CLIC5: variants seen among roughly 807,000 people sequenced by gnomAD.
CLIC5 encodes chloride intracellular channel protein 5.
CLIC5 carries 20 observed loss-of-function variants against 24.7 expected under a neutral mutation model. That is an observed-to-expected ratio of 0.81 (90% CI 0.57 to 1.18). The LOEUF (loss-of-function observed/expected upper bound fraction) is 1.18, where lower values mean the gene tolerates loss of function less well. Among genes scored for constraint, CLIC5 ranks in the 50% most tolerant of loss-of-function variants. The probability of loss-of-function intolerance (pLI) is 0.00; values close to 1 mark genes in which losing one functional copy is unlikely to be tolerated. For missense variants in CLIC5, 341 were observed against 326.1 expected (o/e 1.05, Z -0.35); for synonymous variants, 159 against 135.6 (o/e 1.17, Z -1.20).
chr6:45,916,655 G>A (rs2127318066), intron 4 of CLIC5, among the ~76,000 whole-genome samples: 1 of 152,334 alleles, frequency 6.6e-6, no homozygotes, highest in East Asian at 1.9e-4. Flanking sequence ...CACCAGGTCT[G>A]GGAAATATCA....
the CLIC5 span, among the ~76,000 whole-genome samples, chr6:46,090,760 A>G: frequency 6.6e-6 from 1 of 152,186 alleles, no homozygotes; most frequent in East Asian, 1.9e-4. Context: ...TCAAATATAC[A>G]ATGCATTAAA....
intron 1 of CLIC5, among the ~76,000 whole-genome samples, chr6:45,956,106 T>G (rs1764632788): frequency 1.3e-5 from 2 of 152,196 alleles, no homozygotes; most frequent in Non-Finnish European, 2.9e-5. Flanking sequence ...CTCAAAACAG[T>G]AGGCTTTTTT....
chr6:45,888,243 G>C (rs112042940), intron 6 of CLIC5, among the ~76,000 whole-genome samples: 79 of 152,258 alleles, frequency 5.2e-4, no homozygotes, highest in African/African-American at 1.8e-3. Context: ...ATAAACCAAG[G>C]CTGCCCAGGA....
At chr6:46,040,312 C>A (rs894581458) in intron 1 of CLIC5, among the ~76,000 whole-genome samples, 5 of 151,964 alleles carry the variant, frequency 3.3e-5, no homozygotes, top group African/African-American at 9.7e-5. Flanking sequence ...TGATTTGTTG[C>A]TCATAGTGTT....
At chr6:45,970,419 C>T (rs7761346) in intron 1 of CLIC5, among the ~76,000 whole-genome samples, 5,678 of 152,142 alleles carry the variant, frequency 0.037, 352 homozygotes, top group African/African-American at 0.13. Context: ...AAGCTCAGAC[C>T]GAGCTGTAAT....
At chr6:46,009,127 C>A (rs907460072) in intron 1 of CLIC5, among the ~76,000 whole-genome samples, 13 of 152,002 alleles carry the variant, frequency 8.6e-5, no homozygotes, top group Middle Eastern at 6.8e-3. Flanking sequence ...AACCACCAGC[C>A]TACCCATGGT....
chr6:46,027,857 A>C (rs1250806058), intron 1 of CLIC5, among the ~76,000 whole-genome samples: 1 of 152,214 alleles, frequency 6.6e-6, no homozygotes, highest in Non-Finnish European at 1.5e-5. Flanking sequence ...CTGATATTTT[A>C]GCTAAGTGAT....
chr6:45,898,035 T>C (rs72870102), downstream of CLIC5, among the ~76,000 whole-genome samples: 3,122 of 152,290 alleles, frequency 0.021, 43 homozygotes, highest in Admixed American at 0.035. Context: ...CGTTTTCTTC[T>C]TCCTCTTTTC....
At chr6:46,019,154 A>G (rs1342961295), upstream of CLIC5, among the ~76,000 whole-genome samples, 4 of 152,118 alleles carry the variant, frequency 2.6e-5, no homozygotes, top group African/African-American at 7.2e-5. Context: ...AAAGGCAGAA[A>G]AGAGGAAGAG....
intron 1 of CLIC5, among the ~76,000 whole-genome samples, chr6:46,047,072 A>C (rs898638162): frequency 2.0e-5 from 3 of 152,226 alleles, no homozygotes; most frequent in African/African-American, 4.8e-5. Context: ...ATTTGCAAGC[A>C]TAAGATATTT....
intron 4 of CLIC5, among the ~76,000 whole-genome samples, chr6:45,918,149 T>C (rs995441249): frequency 2.6e-5 from 4 of 152,218 alleles, no homozygotes; most frequent in African/African-American, 9.7e-5. Context: ...GAATAGTTCA[T>C]AAATATTCTG....
At chr6:46,031,437 C>G (rs1342236942) in intron 1 of CLIC5, among the ~76,000 whole-genome samples, 1 of 152,100 alleles carries the variant, frequency 6.6e-6, no homozygotes, top group Non-Finnish European at 1.5e-5. Flanking sequence ...AGGCATCCTA[C>G]TAAGCTAAGA....
At chr6:46,038,564 TAAGAA>T (rs2127459362) in intron 1 of CLIC5, among the ~76,000 whole-genome samples, 1 of 152,318 alleles carries the variant, frequency 6.6e-6, no homozygotes, top group South Asian at 2.1e-4. Flanking sequence ...GGAGAGAACT[TAAGAA>T]AGGGAAGTTT....
chr6:46,011,296 T>C (rs1180324982), intron 1 of CLIC5, among the ~76,000 whole-genome samples: 2 of 152,226 alleles, frequency 1.3e-5, no homozygotes, highest in Admixed American at 1.3e-4. Flanking sequence ...CCTGAGGCTG[T>C]TAGAAGTTCT....
At chr6:45,994,546 C>G (rs960628146) in intron 1 of CLIC5, among the ~76,000 whole-genome samples, 38 of 152,126 alleles carry the variant, frequency 2.5e-4, no homozygotes, top group African/African-American at 9.2e-4. Context: ...TGCAGCAAAC[C>G]ACCATGGCAC....
intron 1 of CLIC5, among the ~76,000 whole-genome samples, chr6:46,028,501 A>G (rs1767405654): frequency 6.6e-6 from 1 of 152,246 alleles, no homozygotes. Flanking sequence ...ATGAAAAGCT[A>G]ACTAATACTG....
rs139370752 is a variant in CLIC5, at chr6:45,975,128, C to A, written c.64-19884G>T. 1.6e-4 allele frequency among the ~76,000 whole-genome samples: 25 copies of A among 152,174 alleles called. No individual in the cohort carries two copies. The East Asian group carries it at 4.8e-3, about 29-fold the overall frequency. ...AAGAAAGAATATATGAAGAGGAAAA[C>A]CCCTCTGATCTGCCCTTGGGTCCCT... On this transcript the variant is annotated intron_variant, in intron 1 of 5. Coordinates refer to ENST00000339561, the MANE Select transcript of CLIC5 (RefSeq NM_016929.5).
chr6:46,098,984 G>T, the CLIC5 span, among the ~76,000 whole-genome samples: 1 of 152,220 alleles, frequency 6.6e-6, no homozygotes, highest in East Asian at 1.9e-4. Context: ...CTGGCTGCGG[G>T]GGTGGGGGTA....
rs144698017 is a variant in CLIC5, at chr6:46,063,490, G to T, written c.540+16213C>A. 2.4e-3 allele frequency among the ~76,000 whole-genome samples: 361 copies of T among 152,334 alleles called. 1 individual carries two copies. The highest frequency in any genetic ancestry group is 7.1e-3 in the African/African-American group (294 of 41,564). On this transcript the variant is annotated intron_variant, in intron 1 of 5. Transcript: ENST00000185206. ...GACAATGGAGTTTGGAGTTCGGGAA[G>T]GTCAAGGCAGATAGAATTTACAGAT...
Sources: gnomAD v4.1 joint callset for allele counts (sites outside exome capture counted in the v4.1 genomes callset) on GRCh38, gnomAD v4.1.1 for gene constraint, MANE v1.5 for transcripts, NCBI Gene and HGNC (gene_info 2026-07-23, HGNC 2026-07-21) for gene names.